The following GALNTL6 variants were observed in gnomAD, a reference collection of about 807,000 sequenced individuals.
GALNTL6 encodes polypeptide N-acetylgalactosaminyltransferase like 6, also known as polypeptide N-acetylgalactosaminyltransferase-like 6.
GALNTL6 carries 46 observed loss-of-function variants against 73.7 expected under a neutral mutation model. The ratio of observed to expected loss-of-function variants is 0.62; its 90% CI spans 0.49 to 0.80. The LOEUF is 0.80. Ranked by LOEUF, GALNTL6 falls within the 30% of genes least tolerant of loss-of-function variation. The probability of loss-of-function intolerance (pLI) is 0.00; values close to 1 mark genes in which losing one functional copy is unlikely to be tolerated. For missense variants in GALNTL6, 604 were observed against 755.0 expected (o/e 0.80, Z 2.34); for synonymous variants, 259 against 263.7 (o/e 0.98, Z 0.17).
intron 5 of GALNTL6, among the ~76,000 whole-genome samples, chr4:172,503,553 T>TATATA (rs1554031112): frequency 4.1e-5 from 6 of 145,634 alleles, no homozygotes; most frequent in African/African-American, 7.7e-5. Flanking sequence ...TATATATGTA[T>TATATA]TAGTTTTTTG....
At chr4:172,063,472 G>T (rs1731267398) in intron 2 of GALNTL6, among the ~76,000 whole-genome samples, 1 of 128,450 alleles carries the variant, frequency 7.8e-6, no homozygotes, top group Non-Finnish European at 1.7e-5. Context: ...TTTTTTTAAA[G>T]AACTTTTTTT....
chr4:172,069,583 T>TATTATATATAACACATATATGTTA (rs776675339), intron 2 of GALNTL6, among the ~76,000 whole-genome samples: 2 of 51,998 alleles, frequency 3.8e-5, no homozygotes, highest in East Asian at 7.1e-4. Flanking sequence ...ATGTTATATA[T>TATTATATATAACACATATATGTTA]TATATATATA....
chr4:172,581,725 C>T (rs1737199377), intron 5 of GALNTL6, among the ~76,000 whole-genome samples: 1 of 152,214 alleles, frequency 6.6e-6, no homozygotes, highest in South Asian at 2.1e-4. Flanking sequence ...CTCTGAGCCT[C>T]ATCCTTCCTG....
chr4:172,004,997 GT>G, intron 2 of GALNTL6, among the ~76,000 whole-genome samples: 1 of 152,016 alleles, frequency 6.6e-6, no homozygotes, highest in Admixed American at 6.6e-5. Context: ...CTTTGAATAA[GT>G]TTTTCATAAA....
chr4:171,885,212 C>G (rs138717364), intron 2 of GALNTL6, among the ~76,000 whole-genome samples: 1 of 152,238 alleles, frequency 6.6e-6, no homozygotes, highest in African/African-American at 2.4e-5. Flanking sequence ...TAGTCACTGT[C>G]TCAGCTATCA....
rs543718807 is a variant in GALNTL6, at chr4:172,840,010, A to G, written c.923+26287A>G. On this transcript the variant is annotated intron_variant, in intron 7 of 12. Transcript: ENST00000506823. ...GGTATGATCTTAACTCAAGTTCCAG[A>G]GGCAAATGCTTCAAATATTTTCAAA... is the stretch of plus-strand genomic sequence containing the variant. 9.8e-4 allele frequency among the ~76,000 whole-genome samples: 149 copies of G among 152,366 alleles called. 2 individuals are homozygous for G. The highest frequency in any genetic ancestry group is 3.4e-3 in the African/African-American group (142 of 41,596).
rs1390178705 is a variant in GALNTL6, at chr4:171,814,006, G to A, written c.-170+16G>A. The A allele has an allele frequency of 2.6e-5, 4 of 152,432 alleles. No individual in the cohort carries two copies. The highest frequency in any genetic ancestry group is 9.7e-5 in the African/African-American group (4 of 41,442). 9.4% of individuals were successfully genotyped at this position (152,432 alleles called of 1,614,324 possible). On this transcript the variant is annotated intron_variant, in intron 1 of 12. Transcript: ENST00000506823. ...TTGAGTTCAGGTGGGTTATCCCAAG[G>A]GGAGCACAGGAAAAGATGTTCAGGG... is the stretch of plus-strand genomic sequence containing the variant.
intron 10 of GALNTL6, among the ~76,000 whole-genome samples, chr4:172,997,634 A>G (rs1751853652): frequency 6.6e-6 from 1 of 152,132 alleles, no homozygotes; most frequent in South Asian, 2.1e-4. Context: ...ATAGACTGGG[A>G]AGGGTGAGTG....
chr4:172,661,727 C>T (rs1305366869), intron 5 of GALNTL6, among the ~76,000 whole-genome samples: 1 of 152,118 alleles, frequency 6.6e-6, no homozygotes, highest in East Asian at 1.9e-4. Flanking sequence ...TGCCAAGCTC[C>T]AGTAATGTTC....
At chr4:172,623,993 C>T (rs1739062091) in intron 5 of GALNTL6, among the ~76,000 whole-genome samples, 1 of 152,052 alleles carries the variant, frequency 6.6e-6, no homozygotes, top group African/African-American at 2.4e-5. Context: ...ATCATGGAAC[C>T]TATACAGTTT....
intron 5 of GALNTL6, among the ~76,000 whole-genome samples, chr4:172,473,344 T>C (rs2111466952): frequency 6.6e-6 from 1 of 152,316 alleles, no homozygotes; most frequent in East Asian, 1.9e-4. Context: ...CTCCACTGCT[T>C]GTATCAGCTA....
At position 172,199,281 on chromosome 4, in the gene GALNTL6, T is replaced by A. The variant is rs1161454748; in HGVS notation, c.139-30375T>A. Among the ~76,000 whole-genome samples, 3 of 152,244 alleles carry A rather than the reference T, an allele frequency of 2.0e-5. No homozygotes were observed. In the South Asian group the frequency reaches 6.2e-4, roughly 31 times the overall value. On this transcript the variant is annotated intron_variant, in intron 2 of 12. Coordinates refer to ENST00000506823, the MANE Select transcript of GALNTL6 (RefSeq NM_001034845.3). Reference sequence around the variant, plus strand: ...TATTTAATAGGATTTTTGTGGAATTTTTTTAGTACAATATACAAAAAATGC... The same window carrying A: ...TATTTAATAGGATTTTTGTGGAATTATTTTAGTACAATATACAAAAAATGC...
chr4:172,816,060 C>T (rs1741588453), intron 7 of GALNTL6, among the ~76,000 whole-genome samples: 1 of 152,182 alleles, frequency 6.6e-6, no homozygotes, highest in South Asian at 2.1e-4. Context: ...AGCTGTAAAG[C>T]TTTAAGGTAC....
Position 172,857,672 on chromosome 4 carries a change from A to T in GALNTL6, c.924-25118A>T, listed in dbSNP as rs180957871. Among the ~76,000 whole-genome samples the T allele has an allele frequency of 1.8e-3, 278 of 152,370 alleles. 8 individuals carry two copies. The highest frequency in any genetic ancestry group is 0.018 in the Admixed American group (278 of 15,298). On this transcript the variant is annotated intron_variant, in intron 7 of 12. Coordinates refer to ENST00000506823, the MANE Select transcript of GALNTL6 (RefSeq NM_001034845.3). ...GAATGACCTGAATTATTGAAAAGGT[A>T]CATGAATTTAAGGCTAAAGTTTTCT...
At chr4:172,348,422 C>T (rs1454874466) in intron 4 of GALNTL6, 101 bp from the exon 5 acceptor site, 7 of 903,636 alleles carry the variant, frequency 7.7e-6, no homozygotes, top group East Asian at 5.0e-5. Flanking sequence ...TAGACTAAGT[C>T]GTGTTTCCAC....
At chr4:172,360,864 G>T (rs1258856622) in intron 5 of GALNTL6, among the ~76,000 whole-genome samples, 2 of 152,174 alleles carry the variant, frequency 1.3e-5, no homozygotes, top group Non-Finnish European at 2.9e-5. Context: ...CAGAAGATAG[G>T]AAGTCTAATG....
Position 171,958,152 on chromosome 4 carries a change from T to A in GALNTL6, c.138+143434T>A, listed in dbSNP as rs145515254. Among the ~76,000 whole-genome samples the A allele has an allele frequency of 1.7e-4, 26 of 152,278 alleles. No individual in the cohort carries two copies. The East Asian group carries it at 4.8e-3, about 28-fold the overall frequency. On this transcript the variant is annotated intron_variant, in intron 2 of 12. Transcript: ENST00000506823. ...TACCTCTTCCTAGTGATTACTGATA[T>A]CCTTGAAATTATTGGTAATAATTGA... is the stretch of plus-strand genomic sequence containing the variant.
intron 7 of GALNTL6, among the ~76,000 whole-genome samples, chr4:172,849,189 T>C (rs1349223920): frequency 1.3e-5 from 2 of 152,188 alleles, no homozygotes; most frequent in Non-Finnish European, 2.9e-5. Context: ...TCTTTCAATA[T>C]AATCCTCTTT....
chr4:172,875,961 G>A (rs1745174067), intron 7 of GALNTL6, among the ~76,000 whole-genome samples: 1 of 152,064 alleles, frequency 6.6e-6, no homozygotes, highest in African/African-American at 2.4e-5. Flanking sequence ...AAAGATCAGT[G>A]CCAACCACTG....
Sources: gnomAD v4.1 joint callset for allele counts (sites outside exome capture counted in the v4.1 genomes callset) on GRCh38, gnomAD v4.1.1 for gene constraint, MANE v1.5 for transcripts, NCBI Gene and HGNC (gene_info 2026-07-23, HGNC 2026-07-21) for gene names.